The following CHD8 variants were observed in gnomAD, a reference collection of about 807,000 sequenced individuals.
CHD8 encodes ATP-dependent chromatin remodeler CHD8.
CHD8 carries 31 observed loss-of-function variants against 279.2 expected under a neutral mutation model. That is an observed-to-expected ratio of 0.11 (90% CI 0.08 to 0.15). CHD8 has a LOEUF of 0.15. CHD8 is among the 10% of genes least tolerant of loss of function. CHD8 has a pLI of 1.00. For synonymous variants in CHD8, 1,081 were observed against 1,139.6 expected (o/e 0.95, Z 1.04); for missense variants, 2,146 against 3,230.5 (o/e 0.66, Z 8.14).
In CHD8 at chr14:21,422,265, C is replaced by T. The variant is rs139397599; in HGVS notation, c.1716+3863G>A. Among the ~76,000 whole-genome samples the T allele has an allele frequency of 4.4e-3, 673 of 151,902 alleles. 12 individuals are homozygous for T. The highest frequency in any genetic ancestry group is 0.035 in the East Asian group (178 of 5,144). On this transcript the variant is annotated intron_variant, in intron 5 of 37. Transcript: ENST00000646647. The stretch of plus-strand genomic sequence containing the variant: ...CTGAGGCAGGAGAATCACTTGAACC[C>T]GGGAGGTGGAGGTTATAGTGAGCCG...
intron 1 of CHD8, among the ~76,000 whole-genome samples, chr14:21,450,593 GC>G (rs1890233745): frequency 6.6e-6 from 1 of 151,766 alleles, no homozygotes; most frequent in Non-Finnish European, 1.5e-5. Flanking sequence ...GTTTGAGGTT[GC>G]AGTGAGCTAT....
intron 27 of CHD8, chr14:21,397,320 T>C: frequency 1.9e-6 from 1 of 518,790 alleles, no homozygotes; most frequent in Non-Finnish European, 3.9e-6. Context: ...TGAGAAGTTT[T>C]GTTAAACTCA....
chr14:21,409,090 C>T (rs1594351889), intron 11 of CHD8, among the ~76,000 whole-genome samples: 1 of 152,140 alleles, frequency 6.6e-6, no homozygotes, highest in South Asian at 2.1e-4. Flanking sequence ...CTCATCTGAT[C>T]AAGCCTGTAG....
intron 1 of CHD8, among the ~76,000 whole-genome samples, chr14:21,448,179 T>C (rs1890172493): frequency 6.6e-6 from 1 of 152,144 alleles, no homozygotes; most frequent in African/African-American, 2.4e-5. Flanking sequence ...AGAGTATGTG[T>C]GGGAGGAGAA....
intron 1 of CHD8, among the ~76,000 whole-genome samples, chr14:21,438,170 C>CT (rs1195459678): frequency 2.0e-5 from 3 of 152,132 alleles, no homozygotes. Flanking sequence ...AAGCGATTCT[C>CT]TTGCCTCAGC....
chr14:21,397,363 C>G, intron 27 of CHD8: 1 of 518,856 alleles, frequency 1.9e-6, no homozygotes. Context: ...ACTGCCCTAC[C>G]TGGTGGCTCA....
In CHD8 at chr14:21,437,090, T is replaced by C. The variant is rs1296775886; in HGVS notation, c.-215-5232A>G. 4 of 792,774 alleles carry C rather than the reference T, an allele frequency of 5.0e-6. No homozygotes were observed. The African/African-American group carries it at 5.3e-5, about 11-fold the overall frequency. 49.1% of individuals were successfully genotyped at this position (792,774 alleles called of 1,614,324 possible). On this transcript the variant is annotated intron_variant, in intron 1 of 37. Transcript: ENST00000646647. The stretch of plus-strand genomic sequence containing the variant: ...GGGTGGGGGGTGTGGATGCCCGGGA[T>C]AGGAGCAATGTTAGGGCGGAAGCTG...
At position 21,402,019 on chromosome 14, in the gene CHD8, A is replaced by G; in HGVS notation, c.4000T>C (p.Leu1334=). 2 of 1,613,766 alleles carry G rather than the reference A, an allele frequency of 1.2e-6. No individual in the cohort carries two copies. The highest frequency in any genetic ancestry group is 2.2e-5 in the South Asian group (2 of 90,996). ...GTGATGGTTGTAGTTCGTCTTAACA[A>G]GATCTGGTCAATGTCCTCTTCACAA... The part of the protein sequence containing the change: ...KFCEEDIDQI[L]LRRTTTITIE... The change falls in exon 20 of 38, where the codon TTG becomes CTG. Residue 1334 remains leucine (L), a synonymous_variant. Transcript: ENST00000646647. This position sits in a 1 kb window ranked among gnomAD's most constrained non-coding sequence, Gnocchi z 4.5.
chr14:21,442,326 C>A (rs971462743), intron 1 of CHD8, among the ~76,000 whole-genome samples: 1 of 151,992 alleles, frequency 6.6e-6, no homozygotes, highest in South Asian at 2.1e-4. Context: ...ATTAGCCAGG[C>A]GTGTGACACA....
Position 21,393,959 on chromosome 14 carries a change from C to A in CHD8, c.5836G>T (p.Asp1946Tyr). 1 of 1,613,978 alleles carries A rather than the reference C, an allele frequency of 6.2e-7. No homozygotes were observed. Among genetic ancestry groups the A allele is most frequent in the Non-Finnish European group, 8.5e-7 (1 of 1,179,902 alleles). Residue 1946 changes from aspartate to tyrosine, a missense_variant, in exon 32 of 38, where the codon GAC becomes TAC. Around this residue, in one of 26 missense-constraint regions of CHD8, gnomAD observed 513 missense variants for 637.6 expected, o/e 0.80. Transcript: ENST00000646647. ...GAARHGVSQT[D>Y]CNIMQDPDFS... ...TCTGGGTCCTGCATGATGTTGCAGT[C>A]TGTTTGGCTCACCCCATGGCGGGCT...
chr14:21,389,530 G>A (rs973022467), intron 37 of CHD8, among the ~76,000 whole-genome samples: 3 of 152,246 alleles, frequency 2.0e-5, no homozygotes, highest in Admixed American at 2.0e-4. Flanking sequence ...AGAATCACTT[G>A]AACCGGGGAT....
chr14:21,437,313 C>G lies in CHD8; in HGVS notation c.-215-5455G>C, dbSNP rs187334904. ...CGCCCCGCGCCATCATTGGCTGAAG[C>G]GCACTGCCACTCACCAAAGGCGAAA... On this transcript the variant is annotated intron_variant, in intron 1 of 37. Coordinates refer to ENST00000646647, the MANE Select transcript of CHD8 (RefSeq NM_001170629.2). The G allele has an allele frequency of 1.2e-4, 135 of 1,106,320 alleles. No homozygotes were observed. The East Asian group carries it at 6.4e-3, about 52-fold the overall frequency. 68.5% of individuals were successfully genotyped at this position (1,106,320 alleles called of 1,614,324 possible). A position where few individuals can be genotyped will look rare whatever the true frequency, so the allele number is the denominator to read the frequency against.
chr14:21,422,480 A>C (rs1342736230), intron 5 of CHD8, among the ~76,000 whole-genome samples: 1 of 145,618 alleles, frequency 6.9e-6, no homozygotes, highest in Non-Finnish European at 1.5e-5. Flanking sequence ...AATTTCCTTC[A>C]TTTTTTTTGT....
At position 21,400,616 on chromosome 14, in the gene CHD8, A is replaced by C. The variant is rs1887986153; in HGVS notation, c.4371-4T>G. 1.3e-6 allele frequency: 2 copies of C among 1,564,208 alleles called. No homozygotes were observed. The highest frequency in any genetic ancestry group is 1.7e-6 in the Non-Finnish European group (2 of 1,162,900). On this transcript the variant is annotated splice_region_variant and splice_polypyrimidine_tract_variant and intron_variant, in intron 22 of 37. Transcript: ENST00000646647. The surrounding 1 kb of genome is among the most constrained non-coding windows in gnomAD (Gnocchi z 4.2). The stretch of plus-strand genomic sequence containing the variant: ...AATATCTCGCCATCGTCCCCAACTA[A>C]AAAACAGAAAACTATATTAACATTT...
intron 5 of CHD8, among the ~76,000 whole-genome samples, chr14:21,424,237 C>A (rs910641316): frequency 6.6e-6 from 1 of 152,112 alleles, no homozygotes; most frequent in African/African-American, 2.4e-5. Context: ...AAATGGTTAG[C>A]CAGCTGTCCC....
rs368074043 is a variant in CHD8 at position 21,429,055 on chromosome 14, A to T, written c.1124T>A (p.Leu375Gln). Residue 375 changes from leucine (L) to glutamine (Q), a missense_variant, in exon 3 of 38, where the codon CTG becomes CAG. Physicochemically the swap from Leu to Gln is moderately radical, Grantham distance 113 (BLOSUM62 -2). Around this residue, in one of 26 missense-constraint regions of CHD8, gnomAD observed 170 missense variants for 189.9 expected, o/e 0.90. Transcript: ENST00000646647. ...TATCTGAGCCTGCTGTACAGAGGAC[A>T]GAGTCACTGGCTGGGTGGAGGGTGG... is the stretch of plus-strand genomic sequence containing the variant. ...QQPPSTQPVT[L>Q]SSVQQAQIMG... 2 of 1,613,918 alleles carry T rather than the reference A, an allele frequency of 1.2e-6. No individual in the cohort carries two copies. The highest frequency in any genetic ancestry group is 1.7e-6 in the Non-Finnish European group (2 of 1,179,898).
chr14:21,440,598 G>C (rs1261314423), intron 1 of CHD8, among the ~76,000 whole-genome samples: 2 of 152,174 alleles, frequency 1.3e-5, no homozygotes, highest in Non-Finnish European at 1.5e-5. Flanking sequence ...GCAGGGACAG[G>C]AAGAGGGAAG....
At chr14:21,420,959 T>C (rs1889011462) in intron 5 of CHD8, among the ~76,000 whole-genome samples, 1 of 152,088 alleles carries the variant, frequency 6.6e-6, no homozygotes, top group African/African-American at 2.4e-5. Context: ...ATAGGGTTTC[T>C]CCACGTTGGT....
At chr14:21,439,687 T>C (rs979212170) in intron 1 of CHD8, among the ~76,000 whole-genome samples, 4 of 152,266 alleles carry the variant, frequency 2.6e-5, no homozygotes, top group Admixed American at 2.6e-4. Context: ...TAAAACACGG[T>C]ATGGCCAAAT....
Sources: gnomAD v4.1 joint callset for allele counts (sites outside exome capture counted in the v4.1 genomes callset) on GRCh38, gnomAD v4.1.1 for gene constraint, gnomAD v4.1.1 regional missense constraint, Gnocchi (gnomAD v3.1) non-coding constraint, MANE v1.5 for transcripts, NCBI Gene and HGNC (gene_info 2026-07-23, HGNC 2026-07-21) for gene names.